The following TCF7L2 variants were observed in gnomAD, a reference collection of about 807,000 sequenced individuals.
The protein encoded by TCF7L2 is transcription factor 7-like 2.
Under a neutral mutation model 77.9 loss-of-function variants are expected in TCF7L2, and 23 were observed. That is an observed-to-expected ratio of 0.30 (90% CI 0.21 to 0.42). The LOEUF (loss-of-function observed/expected upper bound fraction) is 0.42. Ranked by LOEUF, TCF7L2 falls within the 10% of genes least tolerant of loss-of-function variation. The pLI is 1.00. For synonymous variants in TCF7L2, 413 were observed against 340.2 expected, an observed-to-expected ratio of 1.21 and a Z score of -2.36; for missense variants, 654 against 793.1, an observed-to-expected ratio of 0.82 and a Z score of 2.11.
At chr10:113,114,687 T>G (rs1040554457) in intron 5 of TCF7L2, among the ~76,000 whole-genome samples, 5 of 152,224 alleles carry the variant, frequency 3.3e-5, no homozygotes, top group African/African-American at 1.2e-4. Context: ...TTAATTGTAA[T>G]GGCTTTGCAC....
intron 5 of TCF7L2, among the ~76,000 whole-genome samples, chr10:113,054,694 G>C (rs1008257183): frequency 3.9e-5 from 6 of 152,018 alleles, no homozygotes; most frequent in African/African-American, 1.4e-4. Context: ...TTCCCTCCCA[G>C]GCTGTTATTA....
chr10:113,103,510 CA>C (rs926331142), intron 5 of TCF7L2, among the ~76,000 whole-genome samples: 2 of 152,080 alleles, frequency 1.3e-5, no homozygotes, highest in African/African-American at 2.4e-5. Context: ...GAATGATTAA[CA>C]GGGGGCTTTA....
chr10:113,057,478 A>G (rs1157555152), intron 5 of TCF7L2, among the ~76,000 whole-genome samples: 2 of 152,214 alleles, frequency 1.3e-5, no homozygotes, highest in Non-Finnish European at 1.5e-5. Flanking sequence ...GCCCCAGGCA[A>G]TAATATACCA....
chr10:113,110,576 A>G (rs181106809), intron 5 of TCF7L2, among the ~76,000 whole-genome samples: 10 of 152,294 alleles, frequency 6.6e-5, no homozygotes, highest in Admixed American at 3.3e-4. Flanking sequence ...GGCTGCCCCA[A>G]AATTATAGTG....
intron 3 of TCF7L2, among the ~76,000 whole-genome samples, chr10:112,961,890 T>G (rs2035349344): frequency 6.8e-6 from 1 of 147,028 alleles, no homozygotes; most frequent in Non-Finnish European, 1.5e-5. Flanking sequence ...CGCGTGTGCG[T>G]GTATGTGTGT....
intron 5 of TCF7L2, among the ~76,000 whole-genome samples, chr10:113,050,162 A>G (rs1031556932): frequency 6.6e-6 from 1 of 152,190 alleles, no homozygotes; most frequent in Non-Finnish European, 1.5e-5. Flanking sequence ...CCTAGGCTTC[A>G]ATGAGATGGA....
At chr10:113,152,488 T>G (rs1410250701) in intron 11 of TCF7L2, 48 bp downstream of exon 11, 1 of 1,504,266 alleles carries the variant, frequency 6.6e-7, no homozygotes, top group Non-Finnish European at 9.2e-7. Flanking sequence ...AGCTGTGTTG[T>G]GCGTCTATAC....
chr10:113,048,205 C>T (rs780986193), intron 5 of TCF7L2, among the ~76,000 whole-genome samples: 4 of 152,220 alleles, frequency 2.6e-5, no homozygotes, highest in Admixed American at 6.5e-5. Flanking sequence ...AATTAATGTG[C>T]GCCTACTTAG....
chr10:113,100,069 C>T (rs569877406), intron 5 of TCF7L2, among the ~76,000 whole-genome samples: 1 of 152,146 alleles, frequency 6.6e-6, no homozygotes, highest in African/African-American at 2.4e-5. Context: ...TCAGGTCATC[C>T]GTGACTTAGC....
At chr10:112,955,974 A>G (rs978641901) in intron 3 of TCF7L2, among the ~76,000 whole-genome samples, 8 of 152,030 alleles carry the variant, frequency 5.3e-5, no homozygotes, top group African/African-American at 1.9e-4. Flanking sequence ...GCTGTGTGCA[A>G]AAAGTGCCTA....
At chr10:113,059,895 A>G (rs1010744142) in intron 5 of TCF7L2, among the ~76,000 whole-genome samples, 2 of 152,196 alleles carry the variant, frequency 1.3e-5, no homozygotes, top group African/African-American at 4.8e-5. Context: ...ATATTTCTGC[A>G]TACCATTTTT....
intron 5 of TCF7L2, 65 bp downstream of exon 5, chr10:113,040,191 G>A: frequency 7.4e-7 from 1 of 1,358,964 alleles, no homozygotes; most frequent in Non-Finnish European, 1.0e-6. Flanking sequence ...ATGCTTTTTT[G>A]ATGATAACAG....
chr10:113,082,130 C>A (rs914296309), intron 5 of TCF7L2, among the ~76,000 whole-genome samples: 1 of 131,746 alleles, frequency 7.6e-6, no homozygotes, highest in African/African-American at 2.9e-5. Context: ...GAGCCACTAC[C>A]ATTTTTTTTT....
intron 5 of TCF7L2, among the ~76,000 whole-genome samples, chr10:113,090,123 C>A (rs898959729): frequency 1.3e-5 from 2 of 152,126 alleles, no homozygotes; most frequent in South Asian, 4.2e-4. Flanking sequence ...AGTGTCAATA[C>A]CCCACACTGC....
At chr10:113,042,043 G>A (rs114611523) in intron 5 of TCF7L2, among the ~76,000 whole-genome samples, 13 of 152,174 alleles carry the variant, frequency 8.5e-5, no homozygotes, top group African/African-American at 2.7e-4. Context: ...CAGTACCCCC[G>A]TGTAAAGGAG....
chr10:113,089,372 C>T, intron 5 of TCF7L2: 9 of 1,608,544 alleles, frequency 5.6e-6, no homozygotes, highest in South Asian at 1.1e-5. Context: ...CCGAGCCTTA[C>T]TCTGTTCCCC....
At chr10:113,165,082 C>T (rs2073888080) in intron 13 of TCF7L2, among the ~76,000 whole-genome samples, 1 of 152,184 alleles carries the variant, frequency 6.6e-6, no homozygotes, top group Non-Finnish European at 1.5e-5. Flanking sequence ...CTCACACACA[C>T]ACATCACTGG....
chr10:113,091,994 G>A (rs1360058646), intron 5 of TCF7L2, among the ~76,000 whole-genome samples: 1 of 152,156 alleles, frequency 6.6e-6, no homozygotes, highest in African/African-American at 2.4e-5. Flanking sequence ...ATGATAAGAT[G>A]ATATGAATAT....
chr10:112,984,158 C>T (rs1365488258), intron 4 of TCF7L2, among the ~76,000 whole-genome samples: 2 of 152,184 alleles, frequency 1.3e-5, no homozygotes, highest in Admixed American at 6.5e-5. Flanking sequence ...AATCAGAAAG[C>T]AGTGTTGGTC....
Sources: allele counts gnomAD v4.1 joint callset (sites outside exome capture counted in the v4.1 genomes callset), GRCh38; gene constraint gnomAD v4.1.1; transcripts MANE v1.5; gene names NCBI Gene and HGNC (gene_info 2026-07-23, HGNC 2026-07-21).